The following MAP4 variants were observed in gnomAD, a reference collection of about 807,000 sequenced individuals.
MAP4 encodes the protein microtubule-associated protein 4.
In MAP4, 76 loss-of-function variants were observed where a neutral mutation model predicts 170.2. The observed-to-expected ratio is 0.45, with a 90% CI of 0.37 to 0.54. The LOEUF (loss-of-function observed/expected upper bound fraction) is 0.54. MAP4 is among the 20% of genes least tolerant of loss of function. MAP4 has a pLI of 0.00. For missense variants in MAP4, 2,506 were observed against 2,748.0 expected (o/e 0.91, Z 1.97); for synonymous variants, 909 against 994.5 (o/e 0.91, Z 1.62).
chr3:48,002,971 A>AATTAATT (rs1553716078), intron 1 of MAP4, among the ~76,000 whole-genome samples: 15 of 149,182 alleles, frequency 1.0e-4, no homozygotes, highest in African/African-American at 3.8e-4. Context: ...ATAAATAAAT[A>AATTAATT]AATAAATAAA....
chr3:47,870,895 T>C lies in MAP4; in HGVS notation c.6212A>G (p.Asn2071Ser), dbSNP rs536329254. 30 of 1,613,630 alleles carry C rather than the reference T, an allele frequency of 1.9e-5. No individual in the cohort carries two copies. The highest frequency in any genetic ancestry group is 1.3e-4 in the South Asian group (12 of 90,946). Residue 2071 changes from asparagine (N) to serine (S), a missense_variant, in exon 15 of 21, where the codon AAT becomes AGT. By Grantham distance (46) the Asn-to-Ser change is conservative. Coordinates refer to ENST00000683076, the MANE Select transcript of MAP4 (RefSeq NM_001385682.1). ...ATTCTTCAGATCAGGAGCAGAAGTA[T>C]TGGTGGCCAGGCGGCTGAGCCGGGG... ...TTPRLSRLAT[N>S]TSAPDLKNVR...
chr3:47,887,428 T>G (rs982358336), intron 10 of MAP4, among the ~76,000 whole-genome samples: 4 of 152,206 alleles, frequency 2.6e-5, no homozygotes, highest in African/African-American at 7.2e-5. Context: ...TCACTGAGCC[T>G]TAGCTGCTTT....
chr3:47,923,953 C>T (rs79616529), intron 4 of MAP4, among the ~76,000 whole-genome samples: 1 of 152,344 alleles, frequency 6.6e-6, no homozygotes, highest in Non-Finnish European at 1.5e-5. Flanking sequence ...GCCTCTCACA[C>T]TTCCCCCTTG....
At chr3:47,977,215 T>C (rs2100082683) in intron 3 of MAP4, among the ~76,000 whole-genome samples, 1 of 152,074 alleles carries the variant, frequency 6.6e-6, no homozygotes, top group African/African-American at 2.4e-5. Flanking sequence ...CTTAAGAAAA[T>C]ATTTATATAG....
At chr3:47,896,358 C>T (rs563501862) in intron 10 of MAP4, among the ~76,000 whole-genome samples, 53 of 151,918 alleles carry the variant, frequency 3.5e-4, no homozygotes, top group Non-Finnish European at 5.2e-4. Context: ...GGAGAAACCC[C>T]GTGTCTACTA....
chr3:48,026,457 C>T (rs2100113166), intron 1 of MAP4, among the ~76,000 whole-genome samples: 1 of 152,152 alleles, frequency 6.6e-6, no homozygotes, highest in Non-Finnish European at 1.5e-5. Context: ...CATCAAGATG[C>T]TTTATTCTGA....
At chr3:47,865,061 TTC>T (rs1443490071) in intron 17 of MAP4, among the ~76,000 whole-genome samples, 5 of 152,160 alleles carry the variant, frequency 3.3e-5, no homozygotes, top group African/African-American at 1.2e-4. Flanking sequence ...GTCTCCCTAA[TTC>T]TCTGTTTAAG....
At position 47,928,537 on chromosome 3, in the gene MAP4, C is replaced by T. The variant is rs60332147; in HGVS notation, c.293-187G>A. On this transcript the variant is annotated intron_variant, in intron 3 of 20. Coordinates refer to ENST00000683076, the MANE Select transcript of MAP4 (RefSeq NM_001385682.1). ...GCTGGGTGCAATGGTGCGTCTGTAG[C>T]CCCATTTACTTGGGAGACTGAGAGA... is the stretch of plus-strand genomic sequence containing the variant. Among the ~76,000 whole-genome samples the T allele has an allele frequency of 4.0e-3, 615 of 152,154 alleles. 6 individuals carry two copies. The highest frequency in any genetic ancestry group is 0.014 in the African/African-American group (596 of 41,508).
chr3:48,014,794 TTC>T (rs1238545292), intron 1 of MAP4, among the ~76,000 whole-genome samples: 1 of 152,240 alleles, frequency 6.6e-6, no homozygotes, highest in Non-Finnish European at 1.5e-5. Flanking sequence ...GTAGCCAGCA[TTC>T]TCTTTTTAAA....
intron 2 of MAP4, 105 bp from the exon 3 acceptor site, chr3:47,978,038 G>A: frequency 1.4e-6 from 1 of 735,872 alleles, no homozygotes. Flanking sequence ...TGTAGCATTA[G>A]GTTAAAGCAA....
At chr3:48,034,159 C>G (rs1020280561) in intron 1 of MAP4, among the ~76,000 whole-genome samples, 1 of 152,146 alleles carries the variant, frequency 6.6e-6, no homozygotes, top group East Asian at 1.9e-4. Flanking sequence ...TAAACATAAC[C>G]ACAGAGTTAG....
rs193046311 is a variant in MAP4, at chr3:48,025,473, G to T, written c.-19-26594C>A. 2.4e-3 allele frequency among the ~76,000 whole-genome samples: 359 copies of T among 151,886 alleles called. 2 individuals carry two copies. Among genetic ancestry groups the T allele is most frequent in the African/African-American group, 8.3e-3 (345 of 41,466 alleles). On this transcript the variant is annotated intron_variant, in intron 1 of 18. Coordinates refer to the MAP4 transcript ENST00000360240. ...CCAGCTAATTTTTGTATTATTAGTA[G>T]AGACGGGTTTTCACCACACCGGGCA...
chr3:48,011,932 C>T (rs565039425), intron 1 of MAP4, among the ~76,000 whole-genome samples: 3 of 152,264 alleles, frequency 2.0e-5, no homozygotes, highest in Middle Eastern at 3.4e-3. Flanking sequence ...AAACAAATGT[C>T]TAGGCAGACA....
intron 9 of MAP4, among the ~76,000 whole-genome samples, chr3:47,905,907 T>G (rs1474944385): frequency 6.6e-6 from 1 of 151,964 alleles, no homozygotes; most frequent in Non-Finnish European, 1.5e-5. Flanking sequence ...GGTAGGAGAA[T>G]CGCTTGAACC....
chr3:47,911,959 G>C lies in MAP4; in HGVS notation c.2462C>G (p.Thr821Arg). Residue 821 changes from threonine to arginine, a missense_variant, in exon 9 of 21, where the codon ACA (threonine) becomes AGA (arginine). This residue lies in a region of MAP4 where 2,008 missense variants were observed against 2,206.0 expected (regional missense o/e 0.91). Transcript: ENST00000683076. The surrounding 1 kb of genome is among the most constrained non-coding windows in gnomAD (Gnocchi z 4.0). ...TTCTCCAGATACAAGTCCATATTCT[G>C]TACCCATAGTGGTAGGCTGGCTGGG... ...VLPSQPTTMG[T>R]EYGLVSGENL... is the part of the protein sequence containing the mutation. 1 of 1,536,052 alleles carries C rather than the reference G, an allele frequency of 6.5e-7. No individual in the cohort carries two copies. The highest frequency in any genetic ancestry group is 8.7e-7 in the Non-Finnish European group (1 of 1,146,904).
At chr3:47,991,027 GA>G (rs1304302313) in intron 2 of MAP4, among the ~76,000 whole-genome samples, 1 of 152,158 alleles carries the variant, frequency 6.6e-6, no homozygotes, top group Non-Finnish European at 1.5e-5. Context: ...GTAGAAGCAA[GA>G]ATAAGTTGAA....
At chr3:47,903,482 G>T (rs777534261) in intron 9 of MAP4, among the ~76,000 whole-genome samples, 1 of 149,996 alleles carries the variant, frequency 6.7e-6, no homozygotes, top group Admixed American at 6.7e-5. Flanking sequence ...GCAGTGAGCC[G>T]AGATCGCGCC....
rs1170771837 is a variant in MAP4, at chr3:47,916,020, C to T, written c.1807G>A (p.Glu603Lys). The part of the protein sequence containing the change: ...EIAQTQKGIS[E>K]DSHLESLQDV... ...TGCAGAGATTCTAAATGGGAATCCT[C>T]ACTTATTCCTTTTTGTGTTTGTGCA... Residue 603 changes from glutamate (E) to lysine (K), a missense_variant, in exon 7 of 21, where the codon GAG (glutamate) becomes AAG (lysine). Around this residue, in one of 3 missense-constraint regions of MAP4, gnomAD observed 2,008 missense variants for 2,206.0 expected, o/e 0.91. Transcript: ENST00000683076. 1.2e-6 allele frequency: 2 copies of T among 1,614,206 alleles called. No homozygotes were observed.
intron 10 of MAP4, chr3:47,891,625 T>C (rs1228163631): frequency 6.5e-7 from 1 of 1,536,062 alleles, no homozygotes; most frequent in South Asian, 1.2e-5. Context: ...GCTGGGGGGC[T>C]TGGTTGAGCA....
Sources: gnomAD v4.1 joint callset for allele counts (sites outside exome capture counted in the v4.1 genomes callset) on GRCh38, gnomAD v4.1.1 for gene constraint, gnomAD v4.1.1 regional missense constraint, Gnocchi (gnomAD v3.1) non-coding constraint, MANE v1.5 for transcripts, NCBI Gene and HGNC (gene_info 2026-07-23, HGNC 2026-07-21) for gene names.